The following TTLL7 variants were observed in gnomAD, a reference collection of about 807,000 sequenced individuals.
The protein encoded by TTLL7 is tubulin polyglutamylase TTLL7.
A neutral mutation model predicts 120.2 loss-of-function variants in TTLL7; 53 were observed. The observed-to-expected ratio is 0.44, with a 90% CI of 0.35 to 0.55. The LOEUF is 0.55. Among genes scored for constraint, TTLL7 ranks in the 20% least tolerant of loss-of-function variants. TTLL7 has a pLI of 0.00. For synonymous variants in TTLL7, 353 were observed against 351.7 expected (o/e 1.00, Z -0.04); for missense variants, 803 against 1,054.7 (o/e 0.76, Z 3.31).
rs1452478813 is a variant in TTLL7, at chr1:83,866,923, G to C, written c.*3039C>G. The C allele has an allele frequency of 6.6e-6, 1 of 151,870 alleles. No homozygotes were observed. Among genetic ancestry groups the C allele is most frequent in the Non-Finnish European group, 1.5e-5 (1 of 67,816 alleles). The allele number at this position is 151,870 out of a possible 1,614,324, so 9.4% of individuals were successfully genotyped here. ...TTAAAATAAAAAAGGTTGTTTCTTA[G>C]ACATTTCTAGAAATTATTCAAATAT... On this transcript the variant is annotated 3_prime_UTR_variant, in exon 21 of 21. Transcript: ENST00000260505.
chr1:83,888,922 A>G lies in TTLL7; in HGVS notation c.2369+1399T>C, dbSNP rs142994561. On this transcript the variant is annotated intron_variant, in intron 19 of 20. Transcript: ENST00000260505. ...AAAAACTGGAAACAAAAATGCCTAG[A>G]AATCTATTCATTTCACTTAGCTGTC... Among the ~76,000 whole-genome samples, 372 of 152,170 alleles carry G rather than the reference A, an allele frequency of 2.4e-3. 3 individuals are homozygous for G. Among genetic ancestry groups the G allele is most frequent in the African/African-American group, 8.7e-3 (361 of 41,538 alleles).
intron 1 of TTLL7, among the ~76,000 whole-genome samples, chr1:83,990,333 G>A (rs531763725): frequency 5.9e-5 from 9 of 152,124 alleles, no homozygotes; most frequent in South Asian, 2.1e-4. Flanking sequence ...CCGCCACTGC[G>A]CCCGGCTAAT....
chr1:83,901,049 A>G (rs918731970), intron 18 of TTLL7, among the ~76,000 whole-genome samples: 4 of 151,926 alleles, frequency 2.6e-5, no homozygotes, highest in Admixed American at 2.0e-4. Context: ...CAACATTTAT[A>G]GGCAAGTTTC....
rs557341552 is a variant in TTLL7, at chr1:83,866,940, T to C, written c.*3022A>G. The C allele has an allele frequency of 6.6e-6, 1 of 152,064 alleles. No individual in the cohort carries two copies. Among genetic ancestry groups the C allele is most frequent in the Admixed American group, 6.5e-5 (1 of 15,282 alleles). The allele number at this position is 152,064 out of a possible 1,614,324, so 9.4% of individuals were successfully genotyped here. ...GTTTCTTAGACATTTCTAGAAATTATTCAAATATTGCATAGTTCTAGAAAG... is the reference window on the plus strand; with the variant it reads ...GTTTCTTAGACATTTCTAGAAATTACTCAAATATTGCATAGTTCTAGAAAG... On this transcript the variant is annotated 3_prime_UTR_variant, in exon 21 of 21. Transcript: ENST00000260505.
chr1:83,938,578 A>C (rs895627685), intron 7 of TTLL7, among the ~76,000 whole-genome samples: 3 of 152,220 alleles, frequency 2.0e-5, no homozygotes, highest in African/African-American at 7.2e-5. Context: ...TAGAGTCAGC[A>C]GACAGAATGC....
chr1:83,931,535 C>T (rs1289782128), intron 9 of TTLL7, among the ~76,000 whole-genome samples: 2 of 152,054 alleles, frequency 1.3e-5, no homozygotes, highest in Non-Finnish European at 2.9e-5. Flanking sequence ...TTTGTCATTT[C>T]CCTTTTACCT....
chr1:83,887,683 T>C (rs1655078081), intron 19 of TTLL7, among the ~76,000 whole-genome samples: 1 of 152,036 alleles, frequency 6.6e-6, no homozygotes, highest in African/African-American at 2.4e-5. Context: ...TTGGCAACCA[T>C]TGGCAAATCT....
rs143124213 is a variant in TTLL7 at position 83,995,057 on chromosome 1, G to C, written c.-177+3874C>G. ...CTCACCAAGCCTGTTCTCCAACTTA[G>C]TATCTTCTCTCCTCAGTAACACCAA... On this transcript the variant is annotated intron_variant, in intron 1 of 20. Coordinates refer to ENST00000260505, the MANE Select transcript of TTLL7 (RefSeq NM_024686.6). 1.8e-3 allele frequency among the ~76,000 whole-genome samples: 281 copies of C among 152,162 alleles called. 1 individual carries two copies. The highest frequency in any genetic ancestry group is 6.7e-3 in the African/African-American group (277 of 41,518).
intron 19 of TTLL7, chr1:83,887,097 G>T: frequency 2.8e-6 from 1 of 352,916 alleles, no homozygotes; most frequent in Non-Finnish European, 4.2e-6. Context: ...AAAACCCCTT[G>T]GCCAACTCTA....
chr1:83,917,795 T>A, intron 13 of TTLL7, 105 bp from the exon 14 acceptor site: 1 of 731,258 alleles, frequency 1.4e-6, no homozygotes, highest in Non-Finnish European at 2.3e-6. Flanking sequence ...TTCCTGAAAT[T>A]ATTTAGTGAA....
intron 18 of TTLL7, 142 bp from the exon 19 acceptor site, chr1:83,890,623 A>G (rs566059097): frequency 1.7e-6 from 1 of 588,242 alleles, no homozygotes; most frequent in East Asian, 3.3e-5. Context: ...TTTAAAAATT[A>G]GCCTGGCATT....
chr1:83,929,308 T>C lies in TTLL7; in HGVS notation c.1048-78A>G, dbSNP rs566746233. On this transcript the variant is annotated intron_variant, in intron 9 of 20. Coordinates refer to ENST00000260505, the MANE Select transcript of TTLL7 (RefSeq NM_024686.6). ...ATTTGTTAATCCAATGTGGGATCTC[T>C]AGCCAGTAGAACAACTCTACATTAA... The C allele has an allele frequency of 3.4e-5, 37 of 1,077,766 alleles. No individual in the cohort carries two copies. The East Asian group carries it at 7.2e-4, about 21-fold the overall frequency. The allele number at this position is 1,077,766 out of a possible 1,614,324, so 66.8% of individuals were successfully genotyped here.
chr1:83,995,581 C>A (rs997985952), intron 1 of TTLL7, among the ~76,000 whole-genome samples: 18 of 151,964 alleles, frequency 1.2e-4, no homozygotes, highest in Non-Finnish European at 2.4e-4. Context: ...GTACAGCCTG[C>A]AGAACTGTGA....
At chr1:83,933,405 G>GGGAAAAGTAA (rs1466393980) in intron 9 of TTLL7, among the ~76,000 whole-genome samples, 1 of 152,134 alleles carries the variant, frequency 6.6e-6, no homozygotes, top group Non-Finnish European at 1.5e-5. Flanking sequence ...ATGCTAATTT[G>GGGAAAAGTAA]GGAAAAGTAA....
At chr1:83,941,873 T>G (rs1173400092) in intron 7 of TTLL7, among the ~76,000 whole-genome samples, 1 of 152,226 alleles carries the variant, frequency 6.6e-6, no homozygotes, top group African/African-American at 2.4e-5. Flanking sequence ...GGCTTTAAAA[T>G]GCACACTGAA....
chr1:83,943,597 T>C (rs979264895), intron 6 of TTLL7, among the ~76,000 whole-genome samples: 5 of 152,182 alleles, frequency 3.3e-5, no homozygotes, highest in Admixed American at 3.3e-4. Flanking sequence ...GAACAGGAAC[T>C]TCAGTGGCCA....
At chr1:83,879,078 C>T (rs1204938925) in intron 20 of TTLL7, among the ~76,000 whole-genome samples, 2 of 151,726 alleles carry the variant, frequency 1.3e-5, no homozygotes, top group Non-Finnish European at 2.9e-5. Flanking sequence ...TTTATAAATG[C>T]TATAAATATA....
chr1:83,970,660 T>C (rs749222787), intron 1 of TTLL7, among the ~76,000 whole-genome samples: 8 of 152,120 alleles, frequency 5.3e-5, no homozygotes, highest in Non-Finnish European at 8.8e-5. Context: ...TTCTCCTGTC[T>C]ACCTTTTAAT....
intron 20 of TTLL7, among the ~76,000 whole-genome samples, chr1:83,881,516 TA>T (rs1333429037): frequency 6.6e-6 from 1 of 152,064 alleles, no homozygotes; most frequent in Non-Finnish European, 1.5e-5. Context: ...ATCAGAGAAA[TA>T]CAAATCAAAA....
Sources: allele counts gnomAD v4.1 joint callset (sites outside exome capture counted in the v4.1 genomes callset), GRCh38; gene constraint gnomAD v4.1.1; transcripts MANE v1.5; gene names NCBI Gene and HGNC (gene_info 2026-07-23, HGNC 2026-07-21).